Variants in CCDC30 observed in about 807,000 individuals in gnomAD.
CCDC30 encodes coiled-coil domain containing 30.
Under a neutral mutation model 100.2 loss-of-function variants are expected in CCDC30, and 70 were observed. The observed-to-expected ratio is 0.70, with a 90% CI of 0.58 to 0.85. The LOEUF (loss-of-function observed/expected upper bound fraction) is 0.85. CCDC30 is among the 40% of genes least tolerant of loss of function. The pLI, the probability that CCDC30 is intolerant of heterozygous loss-of-function variation, is 0.00. For missense variants in CCDC30, 652 were observed against 771.2 expected (o/e 0.85, Z 1.83); for synonymous variants, 233 against 269.5 (o/e 0.86, Z 1.33).
At chr1:42,648,186 C>G (rs1038669558) in intron 15 of CCDC30, among the ~76,000 whole-genome samples, 1 of 151,858 alleles carries the variant, frequency 6.6e-6, no homozygotes, top group Non-Finnish European at 1.5e-5. Flanking sequence ...GTGATCCACC[C>G]GCCTCAGCCT....
intron 11 of CCDC30, among the ~76,000 whole-genome samples, chr1:42,614,829 A>C (rs1646694981): frequency 6.6e-6 from 1 of 152,022 alleles, no homozygotes; most frequent in South Asian, 2.1e-4. Context: ...CTGTCCTTTA[A>C]AAGTTCTCTA....
intron 6 of CCDC30, 57 bp downstream of exon 8, chr1:42,539,367 A>AG: frequency 7.0e-7 from 1 of 1,432,246 alleles, no homozygotes; most frequent in South Asian, 1.4e-5. Flanking sequence ...TTATGAGGAT[A>AG]GGTTAAAAGG....
At chr1:42,614,757 A>G (rs1364887056) in intron 11 of CCDC30, among the ~76,000 whole-genome samples, 1 of 151,572 alleles carries the variant, frequency 6.6e-6, no homozygotes, top group Non-Finnish European at 1.5e-5. Flanking sequence ...ACTGCACCCT[A>G]GCCTGAATGA....
intron 11 of CCDC30, among the ~76,000 whole-genome samples, chr1:42,636,881 G>A (rs996351945): frequency 7.9e-5 from 11 of 139,888 alleles, no homozygotes; most frequent in South Asian, 2.4e-4. Flanking sequence ...CAGGAGAATC[G>A]CTTGAACCCA....
At chr1:42,558,675 A>C (rs927454076) in intron 6 of CCDC30, among the ~76,000 whole-genome samples, 1 of 152,190 alleles carries the variant, frequency 6.6e-6, no homozygotes. Flanking sequence ...AATTGATTGG[A>C]GTACCAGAAG....
intron 6 of CCDC30, chr1:42,545,473 C>T (rs1370749240): frequency 5.0e-6 from 8 of 1,602,618 alleles, no homozygotes; most frequent in South Asian, 2.3e-5. Context: ...AAAAACTGCA[C>T]CTTCTAATTT....
chr1:42,530,943 A>G (rs1305831887), intron 6 of CCDC30, among the ~76,000 whole-genome samples: 1 of 151,914 alleles, frequency 6.6e-6, no homozygotes, highest in Non-Finnish European at 1.5e-5. Flanking sequence ...GATTAGGGGG[A>G]CTGCTGTACT....
At chr1:42,517,009 A>C (rs1020515830) in intron 6 of CCDC30, among the ~76,000 whole-genome samples, 1 of 152,180 alleles carries the variant, frequency 6.6e-6, no homozygotes, top group Non-Finnish European at 1.5e-5. Flanking sequence ...CTAGATGTTA[A>C]TATTCCTTAT....
chr1:42,464,754 G>A (rs1222086611), intron 1 of CCDC30, among the ~76,000 whole-genome samples: 1 of 152,148 alleles, frequency 6.6e-6, no homozygotes, highest in Non-Finnish European at 1.5e-5. Flanking sequence ...CAGTATTCAG[G>A]TTTAAAAGTA....
intron 11 of CCDC30, among the ~76,000 whole-genome samples, chr1:42,615,379 C>G (rs1028028632): frequency 6.6e-6 from 1 of 152,254 alleles, no homozygotes; most frequent in Middle Eastern, 3.4e-3. Flanking sequence ...CTCACCGCAA[C>G]CTCTACCTCC....
intron 15 of CCDC30, among the ~76,000 whole-genome samples, chr1:42,648,329 A>G (rs1199531730): frequency 6.6e-6 from 1 of 152,160 alleles, no homozygotes; most frequent in Non-Finnish European, 1.5e-5. Flanking sequence ...GAAACTAGAA[A>G]AGCAAGAACA....
In CCDC30 at chr1:42,604,774, T is replaced by G. The variant is rs529631658; in HGVS notation, c.1165-6204T>G. Among the ~76,000 whole-genome samples the G allele has an allele frequency of 3.9e-5, 6 of 152,286 alleles. No individual in the cohort carries two copies. In the East Asian group the frequency reaches 1.2e-3, roughly 29 times the overall value. ...GAAGAAGATCACATACTTGTGTCAGTATCACAGGGTTTTTCCTGAAGAAAA... is the reference window on the plus strand; with the variant it reads ...GAAGAAGATCACATACTTGTGTCAGGATCACAGGGTTTTTCCTGAAGAAAA... On this transcript the variant is annotated intron_variant, in intron 10 of 16. Transcript: ENST00000668663.
rs1166253995 is a variant in CCDC30 at position 42,636,965 on chromosome 1, C to CAAAAAAAAAAAAAAA, written c.1278-259_1278-245dup. On this transcript the variant is annotated intron_variant, in intron 11 of 16. Coordinates refer to ENST00000668663, the Ensembl canonical transcript of CCDC30. Reference sequence around the variant, plus strand: ...TGGGCGACAGAGCAAGACTCCATCTCAAAAAAAAAAAAAAAAAAAAAAAAA... The same window carrying CAAAAAAAAAAAAAAA: ...TGGGCGACAGAGCAAGACTCCATCTCAAAAAAAAAAAAAAAAAAAAAAAAAAAAAAAAAAAAAAAA... Among the ~76,000 whole-genome samples, 5 of 29,518 alleles carry CAAAAAAAAAAAAAAA rather than the reference C, an allele frequency of 1.7e-4. 1 individual carries two copies. The highest frequency in any genetic ancestry group is 2.1e-4 in the African/African-American group (2 of 9,678). The allele number at this position is 29,518 out of a possible 152,430, so 19.4% of individuals were successfully genotyped here. A position where few individuals can be genotyped will look rare whatever the true frequency, so the allele number is the denominator to read the frequency against.
At chr1:42,487,724 G>C (rs1298911578) in intron 3 of CCDC30, among the ~76,000 whole-genome samples, 7 of 152,184 alleles carry the variant, frequency 4.6e-5, no homozygotes, top group Non-Finnish European at 8.8e-5. Context: ...AGCCAAGAGA[G>C]ACCTCCAACT....
At chr1:42,538,974 T>C (rs191099262) in intron 6 of CCDC30, among the ~76,000 whole-genome samples, 199 bp from the exon 8 acceptor site, 1 of 151,660 alleles carries the variant, frequency 6.6e-6, no homozygotes, top group South Asian at 2.1e-4. Flanking sequence ...GCTCAGTTTA[T>C]TTAATTGATT....
chr1:42,473,095 A>G, intron 1 of CCDC30: 1 of 1,225,396 alleles, frequency 8.2e-7, no homozygotes, highest in Non-Finnish European at 1.0e-6. Flanking sequence ...GTGTGTTCAT[A>G]TACATATGCT....
chr1:42,500,454 C>T (rs1179599128), intron 6 of CCDC30: 6 of 702,612 alleles, frequency 8.5e-6, no homozygotes, highest in Non-Finnish European at 1.2e-5. Context: ...CGCTCTGTCG[C>T]CCAGGCTAGA....
intron 7 of CCDC30, among the ~76,000 whole-genome samples, chr1:42,567,493 T>C (rs1345494318): frequency 6.6e-6 from 1 of 152,158 alleles, no homozygotes; most frequent in African/African-American, 2.4e-5. Flanking sequence ...AGGGGAGATA[T>C]AGAGGAAAAC....
At chr1:42,563,520 A>G (rs1283165979) in intron 6 of CCDC30, among the ~76,000 whole-genome samples, 2 of 152,198 alleles carry the variant, frequency 1.3e-5, no homozygotes, top group Non-Finnish European at 2.9e-5. Context: ...CCACCATGGC[A>G]CACGTATATC....
Sources: gnomAD v4.1 joint callset for allele counts (sites outside exome capture counted in the v4.1 genomes callset) on GRCh38, gnomAD v4.1.1 for gene constraint, MANE v1.5 for transcripts, NCBI Gene and HGNC (gene_info 2026-07-23, HGNC 2026-07-21) for gene names.